Variants in PTPRM observed in about 807,000 individuals in gnomAD.
The protein encoded by PTPRM is receptor-type tyrosine-protein phosphatase mu.
Under a neutral mutation model 186.7 loss-of-function variants are expected in PTPRM, and 47 were observed. The observed-to-expected ratio is 0.25, with a 90% CI of 0.20 to 0.32. The LOEUF (loss-of-function observed/expected upper bound fraction) is 0.32, where lower values mean the gene tolerates loss of function less well. PTPRM is among the 10% of genes least tolerant of loss of function. PTPRM has a pLI of 1.00. For missense variants in PTPRM, 1,494 were observed against 1,865.0 expected (o/e 0.80, Z 3.66); for synonymous variants, 668 against 674.9 (o/e 0.99, Z 0.16).
chr18:7,663,948 G>A (rs1031121799), intron 1 of PTPRM, among the ~76,000 whole-genome samples: 5 of 152,300 alleles, frequency 3.3e-5, no homozygotes, highest in Admixed American at 2.0e-4. Context: ...GGGATGTCAA[G>A]CCAGACTTTT....
chr18:8,031,505 C>A (rs2085971989), intron 7 of PTPRM, among the ~76,000 whole-genome samples: 1 of 152,152 alleles, frequency 6.6e-6, no homozygotes. Flanking sequence ...GCAGTCTGGA[C>A]AGAAAGCTAG....
intron 7 of PTPRM, among the ~76,000 whole-genome samples, chr18:8,006,809 G>A (rs531228344): frequency 1.3e-5 from 2 of 152,182 alleles, no homozygotes; most frequent in Admixed American, 6.5e-5. Context: ...CAAAGTGGCC[G>A]CTTGTTGCAT....
At chr18:8,105,984 A>G (rs2091498043) in intron 11 of PTPRM, among the ~76,000 whole-genome samples, 1 of 152,204 alleles carries the variant, frequency 6.6e-6, no homozygotes, top group African/African-American at 2.4e-5. Context: ...GAGAACAAAG[A>G]CGAAGACCAT....
chr18:8,270,162 A>G (rs1349885454), intron 19 of PTPRM: 1 of 152,082 alleles, frequency 6.6e-6, no homozygotes, highest in Non-Finnish European at 1.5e-5. Flanking sequence ...GAATGAGAGC[A>G]TATATTTGAA....
At chr18:7,737,619 T>C (rs1377191196) in intron 1 of PTPRM, among the ~76,000 whole-genome samples, 1 of 152,228 alleles carries the variant, frequency 6.6e-6, no homozygotes, top group Middle Eastern at 3.2e-3. Context: ...AAGTAGCCAC[T>C]GCCTAGTGCT....
chr18:7,770,962 A>G (rs1598612656), intron 1 of PTPRM, among the ~76,000 whole-genome samples: 2 of 152,200 alleles, frequency 1.3e-5, no homozygotes, highest in South Asian at 4.1e-4. Flanking sequence ...ATAATCATTC[A>G]TAAGTCCCGA....
At chr18:7,746,590 C>T (rs1367846031) in intron 1 of PTPRM, among the ~76,000 whole-genome samples, 2 of 152,058 alleles carry the variant, frequency 1.3e-5, no homozygotes, top group Non-Finnish European at 2.9e-5. Context: ...CTCAGCCTCC[C>T]AAGTAGCTGG....
At chr18:7,627,979 C>T (rs1251812134) in intron 1 of PTPRM, among the ~76,000 whole-genome samples, 3 of 152,100 alleles carry the variant, frequency 2.0e-5, no homozygotes, top group Admixed American at 6.6e-5. Context: ...AACAAAAAGC[C>T]ACCTTATTTT....
intron 3 of PTPRM, among the ~76,000 whole-genome samples, 158 bp from the exon 4 acceptor site, chr18:7,906,347 T>G (rs1010821503): frequency 2.6e-5 from 4 of 152,204 alleles, no homozygotes; most frequent in African/African-American, 9.6e-5. Context: ...TGCCTATCTT[T>G]GTAGTCTAGA....
chr18:8,189,841 C>T (rs935826339), intron 14 of PTPRM, among the ~76,000 whole-genome samples: 40 of 152,164 alleles, frequency 2.6e-4, no homozygotes, highest in Admixed American at 6.5e-4. Context: ...ATTTTATTGA[C>T]GTATAATTTG....
At chr18:7,774,106 T>C (rs875530) in intron 1 of PTPRM, 43 bp from the exon 2 acceptor site, 831,996 of 1,559,874 alleles carry the variant, frequency 0.53, 229,093 homozygotes, top group East Asian at 0.87. Context: ...ATTCTAGAGG[T>C]CTGGTTGGTA....
In PTPRM at chr18:8,378,496, T is replaced by C. The variant is rs547721000; in HGVS notation, c.3612+82T>C. 2.6e-6 allele frequency: 4 copies of C among 1,514,302 alleles called. No homozygotes were observed. In the South Asian group the frequency reaches 5.0e-5, roughly 19 times the overall value. The allele number at this position is 1,514,302 out of a possible 1,614,324, so 93.8% of individuals were successfully genotyped here. A position where few individuals can be genotyped will look rare whatever the true frequency, so the allele number is the denominator to read the frequency against. ...TCAAGGTCAGCACCTGAGTGAGCCC[T>C]TGAATCACAAGGTTCCTTGGCCTCC... On this transcript the variant is annotated intron_variant, in intron 27 of 32. Coordinates refer to ENST00000580170, the MANE Select transcript of PTPRM (RefSeq NM_001105244.2).
intron 19 of PTPRM, among the ~76,000 whole-genome samples, chr18:8,286,652 A>G (rs1329661938): frequency 1.3e-5 from 2 of 152,226 alleles, no homozygotes; most frequent in East Asian, 1.9e-4. Context: ...CTCTACAGAT[A>G]ACTTTGGGTT....
At chr18:7,666,777 G>A (rs2039106424) in intron 1 of PTPRM, among the ~76,000 whole-genome samples, 1 of 152,168 alleles carries the variant, frequency 6.6e-6, no homozygotes, top group Non-Finnish European at 1.5e-5. Context: ...TTGCATAGCA[G>A]TTTACAAAAG....
At chr18:7,889,013 T>C (rs184019524) in intron 3 of PTPRM, among the ~76,000 whole-genome samples, 1 of 152,308 alleles carries the variant, frequency 6.6e-6, no homozygotes, top group East Asian at 1.9e-4. Context: ...GGTGCTGTGC[T>C]CACTACCTGG....
At chr18:8,001,036 T>G (rs1206199295) in intron 7 of PTPRM, among the ~76,000 whole-genome samples, 1 of 152,158 alleles carries the variant, frequency 6.6e-6, no homozygotes, top group Admixed American at 6.5e-5. Context: ...GAAAATAGCA[T>G]TTTCAAGCAA....
chr18:7,981,795 C>A (rs1412627558), intron 7 of PTPRM, among the ~76,000 whole-genome samples: 1 of 152,142 alleles, frequency 6.6e-6, no homozygotes, highest in African/African-American at 2.4e-5. Context: ...TCCTAGGCTG[C>A]AAAATTGTAG....
chr18:7,600,029 G>C (rs1490801015), intron 1 of PTPRM, among the ~76,000 whole-genome samples: 5 of 152,182 alleles, frequency 3.3e-5, no homozygotes, highest in African/African-American at 4.8e-5. Context: ...TCTCTTAGCT[G>C]TTCTCATAAT....
At chr18:7,754,680 T>C (rs541943181) in intron 1 of PTPRM, 2 of 152,220 alleles carry the variant, frequency 1.3e-5, no homozygotes, top group Non-Finnish European at 2.9e-5. Flanking sequence ...ATTCATTTCA[T>C]GGTCTGTTCT....
Sources: gnomAD v4.1 joint callset for allele counts (sites outside exome capture counted in the v4.1 genomes callset) on GRCh38, gnomAD v4.1.1 for gene constraint, MANE v1.5 for transcripts, NCBI Gene and HGNC (gene_info 2026-07-23, HGNC 2026-07-21) for gene names.